IMPG1: variants seen among roughly 807,000 people sequenced by gnomAD.
The protein encoded by IMPG1 is interphotoreceptor matrix proteoglycan 1, also known as interphotoreceptor matrix proteoglycan of 150 kDa.
Under a neutral mutation model 92.0 loss-of-function variants are expected in IMPG1, and 85 were observed. That is an observed-to-expected ratio of 0.92 (90% CI 0.78 to 1.11). The LOEUF (loss-of-function observed/expected upper bound fraction) is 1.11, where lower values mean the gene tolerates loss of function less well. IMPG1 is among the 50% of genes least tolerant of loss of function. The pLI is 0.00. For missense variants in IMPG1, 1,022 were observed against 956.0 expected, an observed-to-expected ratio of 1.07 and a Z score of -0.91; for synonymous variants, 367 against 334.1, an observed-to-expected ratio of 1.10 and a Z score of -1.08.
chr6:76,000,250 T>A (rs930859021), intron 12 of IMPG1, among the ~76,000 whole-genome samples: 1 of 152,246 alleles, frequency 6.6e-6, no homozygotes, highest in African/African-American at 2.4e-5. Context: ...TACAGAGTTA[T>A]CTTATTTTAA....
At chr6:75,962,058 A>G (rs1408338206) in intron 12 of IMPG1, among the ~76,000 whole-genome samples, 2 of 152,216 alleles carry the variant, frequency 1.3e-5, no homozygotes, top group African/African-American at 4.8e-5. Context: ...CTCAAGAGAC[A>G]GGTACATTGA....
intron 12 of IMPG1, among the ~76,000 whole-genome samples, chr6:76,001,682 G>C (rs1313372576): frequency 6.6e-6 from 1 of 152,190 alleles, no homozygotes; most frequent in African/African-American, 2.4e-5. Context: ...TTTGGAAATG[G>C]ATCTTCAACA....
intron 1 of IMPG1, among the ~76,000 whole-genome samples, chr6:76,068,126 A>T (rs201701918): frequency 6.6e-6 from 1 of 152,228 alleles, no homozygotes; most frequent in East Asian, 1.9e-4. Flanking sequence ...AAGAACTGGA[A>T]GAAGACAAGG....
At chr6:76,012,246 C>T (rs1302885206) in intron 7 of IMPG1, among the ~76,000 whole-genome samples, 5 of 152,242 alleles carry the variant, frequency 3.3e-5, no homozygotes, top group Non-Finnish European at 7.4e-5. Flanking sequence ...GCTACTACAG[C>T]CTGGCCATTC....
chr6:76,046,678 C>A (rs74805605), intron 1 of IMPG1, among the ~76,000 whole-genome samples: 1 of 152,070 alleles, frequency 6.6e-6, no homozygotes. Flanking sequence ...AGTTTCTTCA[C>A]CTATAAAATG....
At chr6:76,062,306 T>G (rs1384404912) in intron 1 of IMPG1, among the ~76,000 whole-genome samples, 1 of 152,200 alleles carries the variant, frequency 6.6e-6, no homozygotes, top group Non-Finnish European at 1.5e-5. Context: ...TTAGTTTTCT[T>G]TTGTTGAATA....
intron 4 of IMPG1, among the ~76,000 whole-genome samples, chr6:76,028,382 G>A (rs1002603830): frequency 6.6e-5 from 10 of 152,220 alleles, no homozygotes; most frequent in African/African-American, 2.2e-4. Flanking sequence ...CTCATGAGGA[G>A]CTGAAATGCT....
intron 12 of IMPG1, among the ~76,000 whole-genome samples, chr6:75,997,426 AG>A (rs1351888815): frequency 6.6e-6 from 1 of 152,194 alleles, no homozygotes; most frequent in Admixed American, 6.5e-5. Context: ...TGATTGAGTT[AG>A]GAAGTGTACA....
chr6:76,004,968 T>C (rs895591332), intron 10 of IMPG1, among the ~76,000 whole-genome samples: 2 of 152,170 alleles, frequency 1.3e-5, no homozygotes, highest in East Asian at 1.9e-4. Flanking sequence ...CATGAGAGAA[T>C]ATGTTTTGAT....
At chr6:75,965,512 C>T (rs1365216996) in intron 12 of IMPG1, among the ~76,000 whole-genome samples, 1 of 151,648 alleles carries the variant, frequency 6.6e-6, no homozygotes, top group Non-Finnish European at 1.5e-5. Context: ...ATGTCCCTCC[C>T]TATTTGGTAA....
chr6:75,993,567 A>G (rs984874675), intron 12 of IMPG1, among the ~76,000 whole-genome samples: 1 of 152,182 alleles, frequency 6.6e-6, no homozygotes, highest in Non-Finnish European at 1.5e-5. Context: ...GTCTCTTCTT[A>G]TAAGGGCTCG....
At chr6:75,974,666 C>A (rs951981383) in intron 12 of IMPG1, among the ~76,000 whole-genome samples, 1 of 151,604 alleles carries the variant, frequency 6.6e-6, no homozygotes, top group Non-Finnish European at 1.5e-5. Flanking sequence ...GGGGTGCCTG[C>A]AACCATGCCT....
At chr6:75,966,799 G>T (rs1782314915) in intron 12 of IMPG1, among the ~76,000 whole-genome samples, 1 of 152,186 alleles carries the variant, frequency 6.6e-6, no homozygotes. Context: ...TATGTAATTT[G>T]TGTCCTTCAA....
intron 12 of IMPG1, among the ~76,000 whole-genome samples, chr6:75,971,392 G>A (rs938965622): frequency 6.6e-6 from 1 of 151,572 alleles, no homozygotes; most frequent in Non-Finnish European, 1.5e-5. Context: ...TGGGTGCAGC[G>A]CACCAGCATG....
chr6:76,030,932 C>A (rs11962231), intron 4 of IMPG1, among the ~76,000 whole-genome samples: 2 of 152,064 alleles, frequency 1.3e-5, no homozygotes, highest in Admixed American at 1.3e-4. Flanking sequence ...ACATTTGCAG[C>A]GAGGAGGAGC....
At chr6:75,961,684 G>A (rs534365587) in intron 12 of IMPG1, among the ~76,000 whole-genome samples, 35 of 152,316 alleles carry the variant, frequency 2.3e-4, no homozygotes, top group African/African-American at 8.2e-4. Context: ...TTTGAGAATA[G>A]ACCTGAAGGA....
intron 12 of IMPG1, among the ~76,000 whole-genome samples, chr6:75,955,924 C>T (rs1013926860): frequency 1.6e-4 from 25 of 152,146 alleles, no homozygotes; most frequent in African/African-American, 5.8e-4. Flanking sequence ...GTATGTTGAA[C>T]CAGCCTTGCA....
Position 76,011,981 on chromosome 6 carries a change from A to G in IMPG1, c.808-757T>C, listed in dbSNP as rs140996208. Reference sequence around the variant, plus strand: ...ATATTTTCTGACTATAATTATAACTAGAGTTAGCTATAATATTTTAGCTAT... The same window carrying G: ...ATATTTTCTGACTATAATTATAACTGGAGTTAGCTATAATATTTTAGCTAT... On this transcript the variant is annotated intron_variant, in intron 7 of 16. Coordinates refer to ENST00000369950, the MANE Select transcript of IMPG1 (RefSeq NM_001563.4). Among the ~76,000 whole-genome samples, 913 of 152,178 alleles carry G rather than the reference A, an allele frequency of 6.0e-3. 8 individuals are homozygous for G. Among genetic ancestry groups the G allele is most frequent in the African/African-American group, 0.021 (859 of 41,510 alleles).
intron 1 of IMPG1, among the ~76,000 whole-genome samples, chr6:76,068,336 A>G (rs1784346823): frequency 6.6e-6 from 1 of 152,146 alleles, no homozygotes; most frequent in Admixed American, 6.6e-5. Flanking sequence ...TGAACTCAGT[A>G]AAGGTTTGGG....
Sources: gnomAD v4.1 joint callset for allele counts (sites outside exome capture counted in the v4.1 genomes callset) on GRCh38, gnomAD v4.1.1 for gene constraint, MANE v1.5 for transcripts, NCBI Gene and HGNC (gene_info 2026-07-23, HGNC 2026-07-21) for gene names.